RASAL2: variants seen among roughly 807,000 people sequenced by gnomAD.
RASAL2 encodes the protein RAS protein activator like 2.
RASAL2 carries 58 observed loss-of-function variants against 128.9 expected under a neutral mutation model. That is an observed-to-expected ratio of 0.45 (90% CI 0.36 to 0.56). RASAL2 has a LOEUF of 0.56. Among genes scored for constraint, RASAL2 ranks in the 20% least tolerant of loss-of-function variants. The probability of loss-of-function intolerance (pLI) is 0.00; values close to 1 mark genes in which losing one functional copy is unlikely to be tolerated. For synonymous variants in RASAL2, 561 were observed against 580.8 expected (o/e 0.97, Z 0.49); for missense variants, 1,360 against 1,601.6 (o/e 0.85, Z 2.57).
At chr1:178,220,031 G>A (rs1260710775) in intron 1 of RASAL2, among the ~76,000 whole-genome samples, 1 of 151,980 alleles carries the variant, frequency 6.6e-6, no homozygotes, top group Non-Finnish European at 1.5e-5. Flanking sequence ...AGTGTGGTAT[G>A]TCCTCTCCTC....
chr1:178,114,289 C>A (rs1052459059), intron 1 of RASAL2, among the ~76,000 whole-genome samples: 1 of 152,018 alleles, frequency 6.6e-6, no homozygotes. Context: ...CAGTCTTTTG[C>A]CATTTAAGTA....
At chr1:178,365,004 G>T (rs1671324379) in intron 3 of RASAL2, among the ~76,000 whole-genome samples, 3 of 151,308 alleles carry the variant, frequency 2.0e-5, no homozygotes, top group Non-Finnish European at 4.4e-5. Flanking sequence ...CCTGCCTTTA[G>T]CTTTGAATGG....
At chr1:178,198,639 C>A (rs544716135) in intron 1 of RASAL2, among the ~76,000 whole-genome samples, 22 of 152,256 alleles carry the variant, frequency 1.4e-4, no homozygotes, top group African/African-American at 5.1e-4. Context: ...TACAGAACAG[C>A]AAATATTGCA....
Position 178,228,707 on chromosome 1 carries a change from T to C in RASAL2, c.203-54857T>C, listed in dbSNP as rs1663881801. Among the ~76,000 whole-genome samples the C allele has an allele frequency of 2.0e-5, 3 of 152,272 alleles. No homozygotes were observed. The South Asian group carries it at 6.2e-4, about 32-fold the overall frequency. On this transcript the variant is annotated intron_variant, in intron 1 of 17. Transcript: ENST00000367649. ...CTCATTTAACAAGGAGTCTCTGAAT[T>C]TTACCATGTGGATTTCAGGACTCAA...
At chr1:178,134,323 G>A (rs1207660414) in intron 1 of RASAL2, among the ~76,000 whole-genome samples, 1 of 151,890 alleles carries the variant, frequency 6.6e-6, no homozygotes, top group Non-Finnish European at 1.5e-5. Context: ...CTCAGGACAT[G>A]GCCTAGAGTG....
At chr1:178,439,600 G>T in intron 6 of RASAL2, 25 bp downstream of exon 6, 1 of 1,603,784 alleles carries the variant, frequency 6.2e-7, no homozygotes, top group South Asian at 1.1e-5. Context: ...TAGAAAAAAG[G>T]AAGAGTAGTT....
chr1:178,326,157 T>G (rs898705859), intron 3 of RASAL2, among the ~76,000 whole-genome samples: 3 of 152,172 alleles, frequency 2.0e-5, no homozygotes, highest in African/African-American at 7.2e-5. Context: ...AATAAGAATT[T>G]TTTTTAACTT....
chr1:178,311,259 C>CACACACACACAA (rs1236603784), intron 3 of RASAL2, among the ~76,000 whole-genome samples: 2 of 149,882 alleles, frequency 1.3e-5, no homozygotes, highest in Non-Finnish European at 3.0e-5. Context: ...CACAAACACA[C>CACACACACACAA]ACACACACAC....
chr1:178,205,899 C>G (rs1663027915), intron 1 of RASAL2, among the ~76,000 whole-genome samples: 1 of 152,112 alleles, frequency 6.6e-6, no homozygotes, highest in African/African-American at 2.4e-5. Context: ...TACAAATTTC[C>G]TAGCTGATAA....
At position 178,414,417 on chromosome 1, in the gene RASAL2, A is replaced by G. The variant is rs545580817; in HGVS notation, c.565-6094A>G. Among the ~76,000 whole-genome samples the G allele has an allele frequency of 2.6e-5, 4 of 152,320 alleles. No individual in the cohort carries two copies. In the South Asian group the frequency reaches 8.3e-4, roughly 32 times the overall value. Reference sequence around the variant, plus strand: ...ACCATGCATTTGTCCAAACCCATAGAATGCACAACACCAATAACAAACCCT... The same window carrying G: ...ACCATGCATTTGTCCAAACCCATAGGATGCACAACACCAATAACAAACCCT... On this transcript the variant is annotated intron_variant, in intron 4 of 17. Transcript: ENST00000367649.
At position 178,385,808 on chromosome 1, in the gene RASAL2, A is replaced by G. The variant is rs546208163; in HGVS notation, c.458-4292A>G. 2.6e-5 allele frequency among the ~76,000 whole-genome samples: 4 copies of G among 152,180 alleles called. No homozygotes were observed. In the East Asian group the frequency reaches 7.7e-4, roughly 29 times the overall value. ...CCCACTGGCCTCTTTGTTGCGGTTT[A>G]CCTTAGAAGCTTTGTACTAGCTTCC... On this transcript the variant is annotated intron_variant, in intron 3 of 17. Coordinates refer to ENST00000367649, the MANE Select transcript of RASAL2 (RefSeq NM_170692.4).
intron 1 of RASAL2, among the ~76,000 whole-genome samples, chr1:178,187,047 C>T (rs1297585607): frequency 1.3e-5 from 2 of 151,990 alleles, no homozygotes; most frequent in South Asian, 2.1e-4. Context: ...AGGTTGGTCT[C>T]GAACTCCTGG....
intron 1 of RASAL2, among the ~76,000 whole-genome samples, chr1:178,175,262 TG>T (rs930708958): frequency 6.6e-6 from 1 of 152,054 alleles, no homozygotes; most frequent in African/African-American, 2.4e-5. Context: ...TTAACTTTTT[TG>T]GGGGGAAAAG....
intron 3 of RASAL2, among the ~76,000 whole-genome samples, chr1:178,372,996 T>C (rs1438198590): frequency 6.6e-6 from 1 of 152,108 alleles, no homozygotes; most frequent in Non-Finnish European, 1.5e-5. Context: ...TATTTGTGAA[T>C]ACTTTCCCTA....
intron 1 of RASAL2, among the ~76,000 whole-genome samples, chr1:178,220,015 T>C (rs1663562745): frequency 6.6e-6 from 1 of 152,104 alleles, no homozygotes; most frequent in Non-Finnish European, 1.5e-5. Context: ...TATTGTTGTT[T>C]AAAAGAGTGT....
intron 3 of RASAL2, among the ~76,000 whole-genome samples, chr1:178,325,055 CTT>C (rs1395735810): frequency 2.6e-5 from 4 of 151,986 alleles, no homozygotes; most frequent in African/African-American, 9.7e-5. Context: ...TTCCTGTTGT[CTT>C]CAGATATTTG....
At chr1:178,164,464 A>G (rs1661442180) in intron 1 of RASAL2, among the ~76,000 whole-genome samples, 1 of 151,024 alleles carries the variant, frequency 6.6e-6, no homozygotes, top group South Asian at 2.1e-4. Flanking sequence ...AGCAAGAATT[A>G]CAATGATAAT....
chr1:178,246,944 C>T lies in RASAL2; in HGVS notation c.203-36620C>T, dbSNP rs191242888. Among the ~76,000 whole-genome samples, 176 of 152,150 alleles carry T rather than the reference C, an allele frequency of 1.2e-3. 1 individual carries two copies. The highest frequency in any genetic ancestry group is 3.9e-3 in the African/African-American group (161 of 41,534). ...CCTTGATTGTGGTGGATAAGCTTTT[C>T]GATGTGCTGCTGAATCAGTTTGCCA... On this transcript the variant is annotated intron_variant, in intron 1 of 17. Coordinates refer to ENST00000367649, the MANE Select transcript of RASAL2 (RefSeq NM_170692.4).
chr1:178,094,451 C>T lies in RASAL2; in HGVS notation c.-42C>T, dbSNP rs1172364024. The T allele has an allele frequency of 1.3e-6, 2 of 1,499,342 alleles. No individual in the cohort carries two copies. The highest frequency in any genetic ancestry group is 8.9e-7 in the Non-Finnish European group (1 of 1,125,014). The allele number at this position is 1,499,342 out of a possible 1,614,324, so 92.9% of individuals were successfully genotyped here. On this transcript the variant is annotated 5_prime_UTR_variant, in exon 1 of 18. Coordinates refer to ENST00000367649, the MANE Select transcript of RASAL2 (RefSeq NM_170692.4). ...GGGCGCGGAGCCGCGCGCCAGCCCGCCCCGAAGCCGCCGCCTCGTCCCCCT... is the reference window on the plus strand; with the variant it reads ...GGGCGCGGAGCCGCGCGCCAGCCCGTCCCGAAGCCGCCGCCTCGTCCCCCT...
Sources: gnomAD v4.1 joint callset for allele counts (sites outside exome capture counted in the v4.1 genomes callset) on GRCh38, gnomAD v4.1.1 for gene constraint, MANE v1.5 for transcripts, NCBI Gene and HGNC (gene_info 2026-07-23, HGNC 2026-07-21) for gene names.